The following RFK variants were observed in gnomAD, a reference collection of about 807,000 sequenced individuals.
The protein encoded by RFK is riboflavin kinase.
Under a neutral mutation model 17.6 loss-of-function variants are expected in RFK, and 4 were observed. The observed-to-expected ratio is 0.23, with a 90% CI of 0.11 to 0.52. RFK has a LOEUF of 0.52. Among genes scored for constraint, RFK ranks in the 20% least tolerant of loss-of-function variants. The pLI, the probability that RFK is intolerant of heterozygous loss-of-function variation, is 0.96. For missense variants in RFK, 189 were observed against 187.7 expected (o/e 1.01, Z -0.04); for synonymous variants, 59 against 63.8 (o/e 0.92, Z 0.36).
intron 3 of RFK, chr9:76,388,053 T>A: frequency 6.2e-6 from 2 of 323,648 alleles, no homozygotes; most frequent in South Asian, 4.9e-5. Flanking sequence ...GAGAAAGGCA[T>A]AGGCATAAAT....
At chr9:76,387,996 T>TCAAA (rs757656297) in intron 3 of RFK, 14 of 280,204 alleles carry the variant, frequency 5.0e-5, no homozygotes, top group African/African-American at 6.9e-5. Flanking sequence ...AAACTCTGTC[T>TCAAA]CAAACAAACA....
chr9:76,389,312 A>G (rs1308800886), intron 2 of RFK, among the ~76,000 whole-genome samples: 1 of 152,212 alleles, frequency 6.6e-6, no homozygotes, highest in African/African-American at 2.4e-5. Flanking sequence ...GGTTAACTGT[A>G]TAACTAGCTT....
chr9:76,388,446 T>C, intron 3 of RFK, 108 bp downstream of exon 3: 1 of 735,702 alleles, frequency 1.4e-6, no homozygotes, highest in East Asian at 2.5e-5. Context: ...CTGGCATATA[T>C]TAAATGCTCA....
intron 3 of RFK, chr9:76,387,892 A>C (rs1283603156): frequency 4.4e-6 from 1 of 229,838 alleles, no homozygotes; most frequent in South Asian, 5.3e-5. Context: ...CCAGCTACTC[A>C]GGAAGCTGAG....
Position 76,394,364 on chromosome 9 carries a change from T to G in RFK, c.-193A>C. The G allele has an allele frequency of 4.2e-5, 20 of 477,380 alleles. No individual in the cohort carries two copies. The highest frequency in any genetic ancestry group is 4.4e-5 in the Non-Finnish European group (12 of 274,412). The allele number at this position is 477,380 out of a possible 1,614,324, so 29.6% of individuals were successfully genotyped here. On this transcript the variant is annotated 5_prime_UTR_variant, in exon 1 of 4. Transcript: ENST00000376736. ...TCCCTGACGCCGCCGACCCAACAAA[T>G]ACCGCCGGGCGCCTGAGGAGCTGCG...
intron 2 of RFK, among the ~76,000 whole-genome samples, chr9:76,389,552 G>A (rs908901225): frequency 3.3e-5 from 5 of 152,162 alleles, no homozygotes; most frequent in African/African-American, 7.2e-5. Flanking sequence ...TTGAGGTCAA[G>A]AGTTCAAGAC....
chr9:76,393,122 A>G (rs1822838301), intron 1 of RFK, among the ~76,000 whole-genome samples: 1 of 152,118 alleles, frequency 6.6e-6, no homozygotes, highest in African/African-American at 2.4e-5. Flanking sequence ...TTTGAGTAGG[A>G]TGCAAAAAAC....
intron 2 of RFK, among the ~76,000 whole-genome samples, chr9:76,391,382 A>G (rs941403994): frequency 2.6e-5 from 4 of 152,256 alleles, no homozygotes; most frequent in Non-Finnish European, 5.9e-5. Flanking sequence ...GGGGTCCTGT[A>G]AAGAGTAGGG....
intron 2 of RFK, among the ~76,000 whole-genome samples, chr9:76,389,197 G>A (rs148776889): frequency 5.9e-5 from 9 of 152,262 alleles, no homozygotes; most frequent in East Asian, 5.8e-4. Flanking sequence ...GCCGCATGAC[G>A]TAGAAAGTGC....
At chr9:76,391,623 G>A (rs1822821467) in intron 2 of RFK, among the ~76,000 whole-genome samples, 2 of 152,126 alleles carry the variant, frequency 1.3e-5, no homozygotes, top group Admixed American at 6.5e-5. Context: ...TTGGTCAAGT[G>A]AGTCTTTCAC....
rs747315699 is a variant in RFK, at chr9:76,394,049, A to C, written c.82+41T>G. On this transcript the variant is annotated intron_variant, in intron 1 of 3. Transcript: ENST00000376736. ...CGGCTGCCGTCTCTCCCCGCTCCCCACGTGACCCGGCCCGGGGGACTCTGG... is the reference window on the plus strand; with the variant it reads ...CGGCTGCCGTCTCTCCCCGCTCCCCCCGTGACCCGGCCCGGGGGACTCTGG... 1.9e-5 allele frequency: 29 copies of C among 1,549,268 alleles called. No homozygotes were observed. The African/African-American group carries it at 3.7e-4, about 20-fold the overall frequency.
chr9:76,393,244 T>C (rs1204638557), intron 1 of RFK, among the ~76,000 whole-genome samples: 1 of 150,908 alleles, frequency 6.6e-6, no homozygotes, highest in Non-Finnish European at 1.5e-5. Context: ...TCTCACTCTG[T>C]CGCCCAGGCT....
intron 1 of RFK, 148 bp from the exon 2 acceptor site, chr9:76,392,717 G>C (rs928052119): frequency 2.1e-5 from 15 of 703,902 alleles, no homozygotes; most frequent in African/African-American, 1.6e-4. Flanking sequence ...AGACCGGCCC[G>C]GGTAACATAG....
chr9:76,394,229 C>G lies in RFK; in HGVS notation c.-58G>C, dbSNP rs746508976. The G allele has an allele frequency of 7.9e-6, 12 of 1,515,154 alleles. No individual in the cohort carries two copies. In the South Asian group the frequency reaches 1.3e-4, roughly 17 times the overall value. 93.9% of individuals were successfully genotyped at this position (1,515,154 alleles called of 1,614,324 possible). ...CGGTCTGCGCGTCCTGCGGAGCCGC[C>G]GTCGACGCGGCGCCCAGACCCCGGA... On this transcript the variant is annotated 5_prime_UTR_variant, in exon 1 of 4. Coordinates refer to ENST00000376736, the MANE Select transcript of RFK (RefSeq NM_018339.6).
rs1255213808 is a variant in RFK at position 76,388,623 on chromosome 9, A to C, written c.268T>G (p.Phe90Val). 5 of 1,612,190 alleles carry C rather than the reference A, an allele frequency of 3.1e-6. No homozygotes were observed. In the South Asian group the frequency reaches 5.5e-5, roughly 18 times the overall value. Residue 90 changes from phenylalanine to valine, a missense_variant, in exon 3 of 4, where the codon TTC becomes GTC. Transcript: ENST00000376736. ...THIMHTFKED[F>V]YGEILNVAIV... ...GCCACATTGAGGATTTCCCCATAGA[A>C]GTCCTCTTTGAAGGTATGCATGATA...
At chr9:76,391,835 G>A (rs548534722) in intron 2 of RFK, among the ~76,000 whole-genome samples, 2 of 152,194 alleles carry the variant, frequency 1.3e-5, no homozygotes, top group Admixed American at 1.3e-4. Context: ...GGCTGGAGGA[G>A]GATTACTTGA....
At chr9:76,391,936 T>TAA (rs34498868) in intron 2 of RFK, among the ~76,000 whole-genome samples, 34 of 145,560 alleles carry the variant, frequency 2.3e-4, no homozygotes, top group Non-Finnish European at 3.2e-4. Flanking sequence ...ACCCCATCTT[T>TAA]AAAAAAAAAA....
intron 1 of RFK, chr9:76,393,787 T>G (rs1018336865): frequency 4.6e-6 from 2 of 435,110 alleles, no homozygotes; most frequent in Non-Finnish European, 8.2e-6. Context: ...GCGCAATGCT[T>G]GACCAACTGT....
In RFK at chr9:76,387,298, G is replaced by C. The variant is rs1822749830; in HGVS notation, c.*101C>G. 3.7e-6 allele frequency: 4 copies of C among 1,085,976 alleles called. No individual in the cohort carries two copies. The allele number at this position is 1,085,976 out of a possible 1,614,324, so 67.3% of individuals were successfully genotyped here. A position where few individuals can be genotyped will look rare whatever the true frequency, so the allele number is the denominator to read the frequency against. ...CGGTTTAAACTAATTCACAACTGTA[G>C]TAAAGTGTTTGATTTTCAGTATATA... On this transcript the variant is annotated 3_prime_UTR_variant, in exon 4 of 4. Coordinates refer to ENST00000376736, the MANE Select transcript of RFK (RefSeq NM_018339.6).
Sources: allele counts gnomAD v4.1 joint callset (sites outside exome capture counted in the v4.1 genomes callset), GRCh38; gene constraint gnomAD v4.1.1; transcripts MANE v1.5; gene names NCBI Gene and HGNC (gene_info 2026-07-23, HGNC 2026-07-21).